XKR9: variants seen among roughly 807,000 people sequenced by gnomAD.
The protein encoded by XKR9 is XK-related protein 9.
In XKR9, 32 loss-of-function variants were observed where a neutral mutation model predicts 32.0. That is an observed-to-expected ratio of 1.00 (90% CI 0.76 to 1.34). XKR9 has a LOEUF of 1.34. Among genes scored for constraint, XKR9 ranks in the 40% most tolerant of loss-of-function variants. XKR9 has a pLI of 0.00. For missense variants in XKR9, 546 were observed against 429.7 expected (o/e 1.27, Z -2.39); for synonymous variants, 168 against 143.4 (o/e 1.17, Z -1.22).
intron 2 of XKR9, among the ~76,000 whole-genome samples, chr8:70,742,861 G>A (rs1426339020): frequency 1.3e-5 from 2 of 152,062 alleles, no homozygotes; most frequent in Admixed American, 1.3e-4. Flanking sequence ...GCAGTTGTAT[G>A]ACTACTGTGT....
At chr8:70,775,697 T>G (rs1306482446) in intron 2 of XKR9, among the ~76,000 whole-genome samples, 5 of 152,094 alleles carry the variant, frequency 3.3e-5, no homozygotes, top group African/African-American at 4.8e-5. Context: ...TTAATTGGCT[T>G]GCACTTTTAT....
At chr8:70,896,290 G>T in the XKR9 span, among the ~76,000 whole-genome samples, 3 of 152,046 alleles carry the variant, frequency 2.0e-5, no homozygotes, top group Non-Finnish European at 4.4e-5. Flanking sequence ...AATATTGTTT[G>T]TTCCATAAAT....
At chr8:70,813,564 GA>G in the XKR9 span, among the ~76,000 whole-genome samples, 1 of 152,036 alleles carries the variant, frequency 6.6e-6, no homozygotes. Flanking sequence ...CTAATATCCA[GA>G]ATCTACAATG....
At chr8:70,670,145 C>G (rs1308629451) in intron 1 of XKR9, among the ~76,000 whole-genome samples, 1 of 152,160 alleles carries the variant, frequency 6.6e-6, no homozygotes, top group African/African-American at 2.4e-5. Context: ...GCCCAGATGA[C>G]AGAGTCTGCG....
the XKR9 span, among the ~76,000 whole-genome samples, chr8:70,899,606 A>G: frequency 6.6e-6 from 1 of 151,848 alleles, no homozygotes; most frequent in Non-Finnish European, 1.5e-5. Context: ...GCTCCTATTG[A>G]TTTTTCAGTT....
At chr8:70,856,516 T>A in the XKR9 span, among the ~76,000 whole-genome samples, 1 of 152,002 alleles carries the variant, frequency 6.6e-6, no homozygotes, top group Non-Finnish European at 1.5e-5. Flanking sequence ...TCCCGCACAA[T>A]AATAATGGGA....
At chr8:70,918,778 T>C in the XKR9 span, among the ~76,000 whole-genome samples, 2 of 112,188 alleles carry the variant, frequency 1.8e-5, no homozygotes, top group African/African-American at 6.8e-5. Flanking sequence ...CTTTTTTTTT[T>C]TTTTTTTTTT....
At chr8:71,002,010 A>G in the XKR9 span, among the ~76,000 whole-genome samples, 1 of 152,174 alleles carries the variant, frequency 6.6e-6, no homozygotes, top group East Asian at 1.9e-4. Flanking sequence ...TATCATATAT[A>G]TATATTGGAA....
the XKR9 span, among the ~76,000 whole-genome samples, chr8:70,900,811 C>T: frequency 1.5e-4 from 23 of 152,084 alleles, no homozygotes; most frequent in East Asian, 4.1e-3. Flanking sequence ...CCCTCCCCTA[C>T]CCCCGACCCC....
chr8:70,817,184 A>G, the XKR9 span, among the ~76,000 whole-genome samples: 1 of 152,142 alleles, frequency 6.6e-6, no homozygotes, highest in Non-Finnish European at 1.5e-5. Context: ...AAAGAAGTCA[A>G]ATTATCTCTT....
the XKR9 span, among the ~76,000 whole-genome samples, chr8:70,835,818 G>A: frequency 0.13 from 19,793 of 152,024 alleles, 1,696 homozygotes; most frequent in African/African-American, 0.24. Context: ...TGTTTTGAGA[G>A]ATTCTAGAGA....
the XKR9 span, among the ~76,000 whole-genome samples, chr8:70,810,235 A>T: frequency 1.3e-5 from 2 of 152,216 alleles, no homozygotes; most frequent in Non-Finnish European, 2.9e-5. Context: ...CAGACAAGCA[A>T]ATGCTGAGAG....
the XKR9 span, among the ~76,000 whole-genome samples, chr8:70,974,735 A>G: frequency 6.6e-6 from 1 of 152,236 alleles, no homozygotes; most frequent in Admixed American, 6.5e-5. Flanking sequence ...CATGATTTAT[A>G]ATCCTTTGGG....
the XKR9 span, among the ~76,000 whole-genome samples, chr8:70,804,637 A>G: frequency 6.6e-6 from 1 of 152,238 alleles, no homozygotes; most frequent in Non-Finnish European, 1.5e-5. Flanking sequence ...CGAAAAAATT[A>G]TGAAACATAC....
intron 4 of XKR9, among the ~76,000 whole-genome samples, chr8:70,717,156 C>A (rs1806120308): frequency 6.6e-6 from 1 of 152,164 alleles, no homozygotes; most frequent in African/African-American, 2.4e-5. Context: ...GCTTTCCTGG[C>A]CTGGCATTGA....
the XKR9 span, among the ~76,000 whole-genome samples, chr8:71,054,855 A>G: frequency 6.6e-6 from 1 of 152,224 alleles, no homozygotes; most frequent in East Asian, 1.9e-4. Context: ...TGAAACATTT[A>G]GTTTACCAAG....
the XKR9 span, among the ~76,000 whole-genome samples, chr8:71,038,287 T>TTC: frequency 7.3e-3 from 1,088 of 148,658 alleles, 9 homozygotes; most frequent in African/African-American, 0.012. Context: ...TTCTTTTCTT[T>TTC]TCTCTCTCTC....
At chr8:70,806,710 A>G in the XKR9 span, among the ~76,000 whole-genome samples, 4 of 152,174 alleles carry the variant, frequency 2.6e-5, no homozygotes, top group Admixed American at 6.5e-5. Context: ...TGCAGACAAG[A>G]CTAGAGAAAA....
chr8:70,951,869 G>GT, the XKR9 span, among the ~76,000 whole-genome samples: 76 of 100,592 alleles, frequency 7.6e-4, no homozygotes, highest in South Asian at 2.6e-3. Flanking sequence ...AGCATCATTG[G>GT]GGGGGGGGTG....
Sources: gnomAD v4.1 joint callset for allele counts (sites outside exome capture counted in the v4.1 genomes callset) on GRCh38, gnomAD v4.1.1 for gene constraint, MANE v1.5 for transcripts, NCBI Gene and HGNC (gene_info 2026-07-23, HGNC 2026-07-21) for gene names.